Variants in TENM3 observed in about 807,000 individuals in gnomAD.
TENM3 encodes the protein teneurin transmembrane protein 3.
In TENM3, 63 loss-of-function variants were observed where a neutral mutation model predicts 255.1. The observed-to-expected ratio is 0.25, with a 90% CI of 0.20 to 0.30. The LOEUF (loss-of-function observed/expected upper bound fraction) is 0.30. Ranked by LOEUF, TENM3 falls within the 10% of genes least tolerant of loss-of-function variation. TENM3 has a pLI of 1.00. For synonymous variants in TENM3, 1,306 were observed against 1,322.3 expected, an observed-to-expected ratio of 0.99 and a Z score of 0.27; for missense variants, 2,929 against 3,461.1, an observed-to-expected ratio of 0.85 and a Z score of 3.86.
chr4:181,669,703 C>T, the TENM3 span, among the ~76,000 whole-genome samples: 3,228 of 152,260 alleles, frequency 0.021, 49 homozygotes, highest in Middle Eastern at 0.085. Context: ...TTCTAACTTG[C>T]AAACCTGGGA....
At chr4:182,461,798 T>C (rs1732021113) in intron 3 of TENM3, among the ~76,000 whole-genome samples, 3 of 152,176 alleles carry the variant, frequency 2.0e-5, no homozygotes, top group African/African-American at 7.2e-5. Context: ...GCTCAGCGGG[T>C]ACTTGTTGAA....
chr4:181,971,578 G>A, the TENM3 span, among the ~76,000 whole-genome samples: 1 of 151,832 alleles, frequency 6.6e-6, no homozygotes, highest in Non-Finnish European at 1.5e-5. Flanking sequence ...TTTTGGTTTT[G>A]TTTTTGGAGA....
chr4:182,389,781 G>A (rs941635353), intron 3 of TENM3, among the ~76,000 whole-genome samples: 1 of 146,006 alleles, frequency 6.8e-6, no homozygotes, highest in Non-Finnish European at 1.5e-5. Context: ...CGCCTCCCGG[G>A]TTCGCGCCAT....
chr4:182,504,912 T>C (rs1411664527), intron 3 of TENM3, among the ~76,000 whole-genome samples: 2 of 152,212 alleles, frequency 1.3e-5, no homozygotes, highest in Admixed American at 6.5e-5. Context: ...AACAGATACT[T>C]GGGTATCATG....
intron 3 of TENM3, among the ~76,000 whole-genome samples, chr4:182,546,524 C>A (rs1580892826): frequency 6.6e-6 from 1 of 152,122 alleles, no homozygotes; most frequent in Admixed American, 6.5e-5. Context: ...AAGCCTCAAC[C>A]TCATGGGCTC....
At chr4:182,473,501 G>A (rs989189852) in intron 3 of TENM3, among the ~76,000 whole-genome samples, 13 of 151,992 alleles carry the variant, frequency 8.6e-5, no homozygotes, top group South Asian at 6.2e-4. Context: ...GTGAAACCCC[G>A]TCTCTACTAA....
intron 4 of TENM3, among the ~76,000 whole-genome samples, chr4:182,616,823 A>C (rs978138267): frequency 3.3e-5 from 5 of 152,222 alleles, no homozygotes; most frequent in Non-Finnish European, 7.3e-5. Flanking sequence ...ATCAGTTGCC[A>C]GAAGGTAAGG....
chr4:182,090,217 A>C, the TENM3 span, among the ~76,000 whole-genome samples: 14 of 152,308 alleles, frequency 9.2e-5, no homozygotes, highest in African/African-American at 3.4e-4. Flanking sequence ...ACAGTGAAGA[A>C]GTACTTTTAA....
chr4:181,622,734 G>C, the TENM3 span, among the ~76,000 whole-genome samples: 3 of 152,088 alleles, frequency 2.0e-5, no homozygotes, highest in Non-Finnish European at 2.9e-5. Flanking sequence ...GGGCTTCATT[G>C]AAATAGAACA....
chr4:181,599,913 G>T, the TENM3 span, among the ~76,000 whole-genome samples: 4 of 151,848 alleles, frequency 2.6e-5, no homozygotes, highest in African/African-American at 4.8e-5. Context: ...TAGACAATTC[G>T]CAATAACTTA....
the TENM3 span, among the ~76,000 whole-genome samples, chr4:181,939,111 A>G: frequency 6.6e-6 from 1 of 152,216 alleles, no homozygotes; most frequent in Non-Finnish European, 1.5e-5. Flanking sequence ...TTATAACAGT[A>G]ATCTTGTGCA....
rs1327809003 is a variant in TENM3 at position 182,799,360 on chromosome 4, GC to G, written c.7345-235del. Among the ~76,000 whole-genome samples, 2 of 152,226 alleles carry G rather than the reference GC, an allele frequency of 1.3e-5. No individual in the cohort carries two copies. Among genetic ancestry groups the G allele is most frequent in the African/African-American group, 2.4e-5 (1 of 41,470 alleles). On this transcript the variant is annotated intron_variant, in intron 27 of 27. Coordinates refer to ENST00000511685, the MANE Select transcript of TENM3 (RefSeq NM_001080477.4). This position sits in a 1 kb window ranked among gnomAD's most constrained non-coding sequence, Gnocchi z 4.2. ...TTTTCCCATGTTAGAAACGAAGAAA[GC>G]TTTAAAGTGATCCACGATGAGTGAG...
intron 3 of TENM3, among the ~76,000 whole-genome samples, chr4:182,594,768 G>A (rs1747034248): frequency 6.6e-6 from 1 of 150,400 alleles, no homozygotes; most frequent in Non-Finnish European, 1.5e-5. Flanking sequence ...TACCCAGACT[G>A]GAGTGCAGTG....
At chr4:181,595,606 G>A in the TENM3 span, among the ~76,000 whole-genome samples, 87,296 of 151,648 alleles carry the variant, frequency 0.58, 25,494 homozygotes, top group Non-Finnish European at 0.63. Context: ...GGTGTTTTAA[G>A]AAGGTCCCCC....
chr4:182,147,986 GT>G (rs1750080909), intron 1 of TENM3, among the ~76,000 whole-genome samples: 1 of 151,904 alleles, frequency 6.6e-6, no homozygotes, highest in Admixed American at 6.6e-5. Flanking sequence ...ACATCAGCTG[GT>G]TTAACAGACC....
chr4:181,935,976 T>C, the TENM3 span, among the ~76,000 whole-genome samples: 11 of 152,226 alleles, frequency 7.2e-5, no homozygotes, highest in Non-Finnish European at 1.5e-4. Context: ...CATATCCTTG[T>C]TCATATCCAA....
chr4:182,357,921 C>T (rs911534368), intron 3 of TENM3, among the ~76,000 whole-genome samples: 1 of 151,480 alleles, frequency 6.6e-6, no homozygotes, highest in African/African-American at 2.4e-5. Flanking sequence ...GATCCAGTTT[C>T]AGCTTTCTAC....
intron 4 of TENM3, among the ~76,000 whole-genome samples, chr4:182,624,436 T>C (rs6552585): frequency 0.94 from 142,571 of 152,226 alleles, 66,843 homozygotes; most frequent in African/African-American, 0.95. Context: ...CTTCTGTCCC[T>C]TCGAGCATGG....
the TENM3 span, among the ~76,000 whole-genome samples, chr4:181,904,510 A>T: frequency 6.6e-6 from 1 of 152,192 alleles, no homozygotes; most frequent in South Asian, 2.1e-4. Context: ...AAAATTCAAA[A>T]AACGATTCCA....
Sources: gnomAD v4.1 joint callset for allele counts (sites outside exome capture counted in the v4.1 genomes callset) on GRCh38, gnomAD v4.1.1 for gene constraint, Gnocchi (gnomAD v3.1) non-coding constraint, MANE v1.5 for transcripts, NCBI Gene and HGNC (gene_info 2026-07-23, HGNC 2026-07-21) for gene names.